Variants in RSRP1 observed in about 807,000 individuals in gnomAD.
RSRP1 encodes the protein arginine/serine-rich protein 1.
RSRP1 carries 37 observed loss-of-function variants against 33.0 expected under a neutral mutation model. The observed-to-expected ratio is 1.12, with a 90% CI of 0.86 to 1.48. The LOEUF (loss-of-function observed/expected upper bound fraction) is 1.48. RSRP1 is among the 40% of genes most tolerant of loss of function. The pLI, the probability that RSRP1 is intolerant of heterozygous loss-of-function variation, is 0.00. For missense variants in RSRP1, 402 were observed against 385.3 expected, an observed-to-expected ratio of 1.04 and a Z score of -0.36; for synonymous variants, 167 against 158.7, an observed-to-expected ratio of 1.05 and a Z score of -0.40.
chr1:25,311,208 T>C (rs1286902468), intron 1 of RSRP1, among the ~76,000 whole-genome samples: 1 of 132,308 alleles, frequency 7.6e-6, no homozygotes, highest in African/African-American at 2.6e-5. Flanking sequence ...TCATCCTTTT[T>C]ATAAAGAAGC....
At chr1:25,243,460 C>G (rs545469910) in intron 4 of RSRP1, 90 bp downstream of exon 4, 1 of 1,500,268 alleles carries the variant, frequency 6.7e-7, no homozygotes, top group East Asian at 2.3e-5. Context: ...TCAGTAGGCC[C>G]CCAACTATCA....
Position 25,286,294 on chromosome 1 carries a change from G to A in RSRP1, c.-66-39265C>T, listed in dbSNP as rs1437492089. Among the ~76,000 whole-genome samples the A allele has an allele frequency of 1.5e-5, 2 of 135,464 alleles. 1 individual carries two copies. The highest frequency in any genetic ancestry group is 5.1e-5 in the African/African-American group (2 of 39,278). The allele number at this position is 135,464 out of a possible 152,430, so 88.9% of individuals were successfully genotyped here. On this transcript the variant is annotated intron_variant, in intron 1 of 1. Transcript: ENST00000561867. ...ACTTGAGCCCAGAAGTTTAAGACCA[G>A]CCTGACTAACACAGTGAGATCCTGT... is the stretch of plus-strand genomic sequence containing the variant.
In RSRP1 at chr1:25,302,468, G is replaced by A. The variant is rs1643463688; in HGVS notation, c.-67+35510C>T. Among the ~76,000 whole-genome samples the A allele has an allele frequency of 1.5e-5, 2 of 129,578 alleles. 1 individual carries two copies. Among genetic ancestry groups the A allele is most frequent in the Non-Finnish European group, 3.6e-5 (2 of 54,980 alleles). 85.0% of individuals were successfully genotyped at this position (129,578 alleles called of 152,430 possible). A position where few individuals can be genotyped will look rare whatever the true frequency, so the allele number is the denominator to read the frequency against. On this transcript the variant is annotated intron_variant, in intron 1 of 1. Coordinates refer to the RSRP1 transcript ENST00000561867. ...AGAATTCAGTGCTAAGAGGAAGTGA[G>A]TGGCCATGAGTTCCATGGTGACAGA...
rs569995563 is a variant in RSRP1 at position 25,321,349 on chromosome 1, C to CAA, written c.-67+16627_-67+16628dup. On this transcript the variant is annotated intron_variant, in intron 1 of 1. Transcript: ENST00000561867. ...CACTGCCATTCCCAGTTCTTTTTTT[C>CAA]AAAAAAAAAAAAAAAATGTCTACAG... Among the ~76,000 whole-genome samples, 11 of 87,148 alleles carry CAA rather than the reference C, an allele frequency of 1.3e-4. 2 individuals are homozygous for CAA. The highest frequency in any genetic ancestry group is 1.9e-4 in the Non-Finnish European group (7 of 37,070). 57.2% of individuals were successfully genotyped at this position (87,148 alleles called of 152,430 possible). A position where few individuals can be genotyped will look rare whatever the true frequency, so the allele number is the denominator to read the frequency against.
intron 4 of RSRP1, 108 bp downstream of exon 4, chr1:25,243,442 A>G: frequency 1.5e-6 from 2 of 1,357,976 alleles, no homozygotes; most frequent in East Asian, 2.4e-5. Context: ...TTCTATTTAA[A>G]AAGTGTGTCA....
At chr1:25,248,922 G>T (rs552064711), upstream of RSRP1, among the ~76,000 whole-genome samples, 3 of 152,146 alleles carry the variant, frequency 2.0e-5, no homozygotes, top group Non-Finnish European at 4.4e-5. Context: ...GCCGAAGCGG[G>T]AAGATCACCT....
intron 1 of RSRP1, among the ~76,000 whole-genome samples, chr1:25,321,587 T>G (rs1214963821): frequency 2.4e-5 from 3 of 125,442 alleles, no homozygotes; most frequent in Non-Finnish European, 5.6e-5. Flanking sequence ...GGATAATCGC[T>G]TGAACCTGGG....
chr1:25,314,932 C>T (rs757765249), intron 1 of RSRP1, among the ~76,000 whole-genome samples: 2 of 130,726 alleles, frequency 1.5e-5, no homozygotes, highest in African/African-American at 5.2e-5. Context: ...GCAGCCAGCG[C>T]GGTGGCTCAC....
rs1181189223 is a variant in RSRP1, at chr1:25,282,584, G to C, written c.-66-35555C>G. On this transcript the variant is annotated intron_variant, in intron 1 of 1. Transcript: ENST00000561867. ...GAAATGATAGAGCTGGGATCGAACAGAGCCATGTGAACTCAAAACCTATGC... is the reference window on the plus strand; with the variant it reads ...GAAATGATAGAGCTGGGATCGAACACAGCCATGTGAACTCAAAACCTATGC... Among the ~76,000 whole-genome samples the C allele has an allele frequency of 6.8e-5, 9 of 132,338 alleles. 1 individual carries two copies. The highest frequency in any genetic ancestry group is 2.3e-4 in the African/African-American group (9 of 38,776). 86.8% of individuals were successfully genotyped at this position (132,338 alleles called of 152,430 possible). A position where few individuals can be genotyped will look rare whatever the true frequency, so the allele number is the denominator to read the frequency against.
chr1:25,269,926 A>T (rs72885075), intron 1 of RSRP1, among the ~76,000 whole-genome samples: 4,921 of 131,824 alleles, frequency 0.037, 868 homozygotes, highest in African/African-American at 0.12. Context: ...CAGCTGGTAA[A>T]CATGCCCATC....
chr1:25,285,464 T>G (rs1203615714), intron 1 of RSRP1, among the ~76,000 whole-genome samples: 1 of 134,918 alleles, frequency 7.4e-6, no homozygotes, highest in East Asian at 1.9e-4. Context: ...AGAAAGGACT[T>G]TCAGCCCCCT....
chr1:25,329,006 A>G lies in RSRP1; in HGVS notation c.-67+8972T>C, dbSNP rs780411525. 2.9e-6 allele frequency: 4 copies of G among 1,377,140 alleles called. No individual in the cohort carries two copies. In the African/African-American group the frequency reaches 5.7e-5, roughly 19 times the overall value. 85.3% of individuals were successfully genotyped at this position (1,377,140 alleles called of 1,614,324 possible). ...TGTTGCCTGCATTTGTACGTGAGAA[A>G]CGCTCATGACAGCAAAGTCTCCAAT... On this transcript the variant is annotated intron_variant, in intron 1 of 1. Transcript: ENST00000561867.
At position 25,333,745 on chromosome 1, in the gene RSRP1, G is replaced by A. The variant is rs1385870719; in HGVS notation, c.-67+4233C>T. ...GCTGGGGAGGCCTCACAATCATGGC[G>A]AAAGGCAATGAGGAGCAAGTCACGT... On this transcript the variant is annotated intron_variant, in intron 1 of 1. Transcript: ENST00000561867. Among the ~76,000 whole-genome samples, 54 of 129,984 alleles carry A rather than the reference G, an allele frequency of 4.2e-4. 8 individuals carry two copies. The highest frequency in any genetic ancestry group is 1.4e-3 in the African/African-American group (53 of 37,804). 85.3% of individuals were successfully genotyped at this position (129,984 alleles called of 152,430 possible). A position where few individuals can be genotyped will look rare whatever the true frequency, so the allele number is the denominator to read the frequency against.
At chr1:25,318,822 G>A (rs1373738360) in intron 1 of RSRP1, among the ~76,000 whole-genome samples, 1 of 132,252 alleles carries the variant, frequency 7.6e-6, no homozygotes, top group Non-Finnish European at 1.8e-5. Context: ...TAACTAAGCT[G>A]GCTTCCTTCC....
In RSRP1 at chr1:25,297,884, C is replaced by T. The variant is rs1221917187; in HGVS notation, c.-67+40094G>A. On this transcript the variant is annotated intron_variant, in intron 1 of 1. Transcript: ENST00000561867. ...GAACCTCCAAGGGCAGGAGGTGCTG[C>T]CAGACTCAGGAGGGCACTAGAACTG... Among the ~76,000 whole-genome samples the T allele has an allele frequency of 4.6e-5, 6 of 131,716 alleles. 2 individuals carry two copies. The highest frequency in any genetic ancestry group is 1.6e-4 in the African/African-American group (6 of 38,298). 86.4% of individuals were successfully genotyped at this position (131,716 alleles called of 152,430 possible).
At position 25,286,375 on chromosome 1, in the gene RSRP1, G is replaced by A. The variant is rs1323079865; in HGVS notation, c.-66-39346C>T. Among the ~76,000 whole-genome samples, 21 of 135,014 alleles carry A rather than the reference G, an allele frequency of 1.6e-4. 6 individuals are homozygous for A. Among genetic ancestry groups the A allele is most frequent in the Non-Finnish European group, 3.3e-4 (19 of 57,004 alleles). The allele number at this position is 135,014 out of a possible 152,430, so 88.6% of individuals were successfully genotyped here. ...GTGGTGGTGTGCACCCACAGTCCCAGCTACTTGGGAGGCTGAGGCAGGAGG... is the reference window on the plus strand; with the variant it reads ...GTGGTGGTGTGCACCCACAGTCCCAACTACTTGGGAGGCTGAGGCAGGAGG... On this transcript the variant is annotated intron_variant, in intron 1 of 1. Transcript: ENST00000561867.
At chr1:25,324,675 G>A (rs1644878538) in intron 1 of RSRP1, among the ~76,000 whole-genome samples, 1 of 149,498 alleles carries the variant, frequency 6.7e-6, no homozygotes, top group Non-Finnish European at 1.5e-5. Context: ...CATATTGCAA[G>A]CCTACAGTTT....
rs1356190689 is a variant in RSRP1 at position 25,290,221 on chromosome 1, C to T, written c.-66-43192G>A. On this transcript the variant is annotated intron_variant, in intron 1 of 1. Coordinates refer to the RSRP1 transcript ENST00000561867. The stretch of plus-strand genomic sequence containing the variant: ...TGGGGATGGGGTGACTGGATGTGGG[C>T]AGGCCTGCGGGGGAAGAGTGCCCTC... Among the ~76,000 whole-genome samples the T allele has an allele frequency of 1.6e-5, 2 of 128,640 alleles. 1 individual carries two copies. Among genetic ancestry groups the T allele is most frequent in the Non-Finnish European group, 3.6e-5 (2 of 54,832 alleles). The allele number at this position is 128,640 out of a possible 152,430, so 84.4% of individuals were successfully genotyped here.
chr1:25,246,142 T>G (rs113400761), intron 2 of RSRP1: 7 of 352,546 alleles, frequency 2.0e-5, no homozygotes, highest in African/African-American at 1.2e-4. Flanking sequence ...TTCTTCCCAA[T>G]CACGTTAACT....
Sources: allele counts gnomAD v4.1 joint callset (sites outside exome capture counted in the v4.1 genomes callset), GRCh38; gene constraint gnomAD v4.1.1; transcripts MANE v1.5; gene names NCBI Gene and HGNC (gene_info 2026-07-23, HGNC 2026-07-21).